NEMF: variants seen among roughly 807,000 people sequenced by gnomAD.
The protein encoded by NEMF is nuclear export mediator factor.
Under a neutral mutation model 162.2 loss-of-function variants are expected in NEMF, and 89 were observed. The ratio of observed to expected loss-of-function variants is 0.55; its 90% CI spans 0.46 to 0.65. The LOEUF (loss-of-function observed/expected upper bound fraction) is 0.65, where lower values mean the gene tolerates loss of function less well. Among genes scored for constraint, NEMF ranks in the 30% least tolerant of loss-of-function variants. The pLI is 0.00. For missense variants in NEMF, 1,133 were observed against 1,261.9 expected (o/e 0.90, Z 1.55); for synonymous variants, 421 against 404.5 (o/e 1.04, Z -0.49).
chr14:49,785,390 A>C, intron 29 of NEMF, 70 bp from the exon 30 acceptor site: 1 of 973,914 alleles, frequency 1.0e-6, no homozygotes, highest in Non-Finnish European at 1.7e-6. Context: ...AAAACACTTG[A>C]ATTAGTATCT....
In NEMF at chr14:49,836,227, C is replaced by A. The variant is rs575644173; in HGVS notation, c.575-1778G>T. On this transcript the variant is annotated intron_variant, in intron 6 of 32. Coordinates refer to ENST00000298310, the MANE Select transcript of NEMF (RefSeq NM_004713.6). ...CCAGGAAATGGAGGTTGCAGTGAGC[C>A]GAGATCATGCCACTGCACTCCAGCC... 2.0e-5 allele frequency among the ~76,000 whole-genome samples: 3 copies of A among 152,138 alleles called. No individual in the cohort carries two copies. The East Asian group carries it at 5.8e-4, about 29-fold the overall frequency.
chr14:49,792,431 T>C (rs879728392), intron 26 of NEMF, among the ~76,000 whole-genome samples: 3 of 152,128 alleles, frequency 2.0e-5, no homozygotes, highest in Non-Finnish European at 4.4e-5. Flanking sequence ...AGGCAGGTCT[T>C]GAACTCCTGA....
At chr14:49,843,285 G>A (rs976522500) in intron 4 of NEMF, among the ~76,000 whole-genome samples, 1 of 152,050 alleles carries the variant, frequency 6.6e-6, no homozygotes, top group Non-Finnish European at 1.5e-5. Context: ...GCTTGAGCCA[G>A]GGGTCCAAGG....
At chr14:49,838,345 T>C (rs1253310770) in intron 5 of NEMF, 139 bp from the exon 6 acceptor site, 21 of 649,194 alleles carry the variant, frequency 3.2e-5, no homozygotes, top group Non-Finnish European at 5.5e-5. Context: ...CATTCTTCTG[T>C]TGTGAGAAAA....
At chr14:49,838,305 T>C in intron 5 of NEMF, 99 bp from the exon 6 acceptor site, 1 of 880,092 alleles carries the variant, frequency 1.1e-6, no homozygotes, top group East Asian at 2.5e-5. Context: ...TCACCTGATC[T>C]TTACAATAAT....
rs1313568882 is a variant in NEMF at position 49,789,236 on chromosome 14, G to C, written c.2805C>G (p.Val935=). The stretch of plus-strand genomic sequence containing the variant: ...GAGTTTCTTTCTTAATGTTGTCAGA[G>C]ACCCTCTGTCCACCTCTAGGTTTCT... ...QPQKPRGGQR[V]SDNIKKETPF... is the part of the protein sequence containing the mutation. Residue 935 remains valine, a synonymous_variant, in exon 28 of 33, where the codon GTC becomes GTG. Coordinates refer to ENST00000298310, the MANE Select transcript of NEMF (RefSeq NM_004713.6). 1.2e-6 allele frequency: 2 copies of C among 1,614,072 alleles called. No individual in the cohort carries two copies. Among genetic ancestry groups the C allele is most frequent in the South Asian group, 2.2e-5 (2 of 91,062 alleles).
chr14:49,829,307 T>G (rs1409282819), intron 12 of NEMF, 42 bp downstream of exon 12: 1 of 1,613,260 alleles, frequency 6.2e-7, no homozygotes, highest in African/African-American at 1.3e-5. Flanking sequence ...CCAGTTAAAG[T>G]TAACATTTTT....
intron 7 of NEMF, chr14:49,834,036 T>G: frequency 2.3e-6 from 1 of 440,480 alleles, no homozygotes; most frequent in Non-Finnish European, 4.4e-6. Flanking sequence ...TTGCAGAAAC[T>G]AAAACATTCA....
chr14:49,823,068 C>T (rs1473324525), intron 16 of NEMF, among the ~76,000 whole-genome samples: 2 of 151,626 alleles, frequency 1.3e-5, no homozygotes, highest in Admixed American at 6.6e-5. Context: ...TCCCTAGTAG[C>T]TGGGATTACA....
chr14:49,847,258 G>A (rs188245163), intron 3 of NEMF, among the ~76,000 whole-genome samples: 3 of 151,896 alleles, frequency 2.0e-5, no homozygotes, highest in Non-Finnish European at 4.4e-5. Context: ...CTGGAGTACA[G>A]TAGCACAATC....
At chr14:49,852,653 C>T (rs189317325) in intron 1 of NEMF, 42 bp downstream of exon 1, 2 of 1,608,294 alleles carry the variant, frequency 1.2e-6, no homozygotes, top group Admixed American at 1.7e-5. Context: ...GCCTCTGCCT[C>T]CTGCACTCCC....
intron 18 of NEMF, among the ~76,000 whole-genome samples, chr14:49,810,260 C>T (rs541478650): frequency 2.6e-5 from 4 of 151,388 alleles, no homozygotes; most frequent in South Asian, 2.1e-4. Flanking sequence ...CCCAGCTACT[C>T]GGGAGGCTGA....
intron 26 of NEMF, among the ~76,000 whole-genome samples, chr14:49,791,319 C>T (rs1054525944): frequency 6.0e-5 from 9 of 149,488 alleles, no homozygotes; most frequent in African/African-American, 2.2e-4. Context: ...AGGCTGGCAA[C>T]ACAGTGAGAA....
At chr14:49,850,697 TGTCA>T (rs1893729465) in intron 3 of NEMF, among the ~76,000 whole-genome samples, 1 of 151,136 alleles carries the variant, frequency 6.6e-6, no homozygotes, top group Non-Finnish European at 1.5e-5. Context: ...AACATATTAA[TGTCA>T]GTGAGTATTC....
chr14:49,788,432 C>T (rs1890281925), intron 28 of NEMF, among the ~76,000 whole-genome samples: 1 of 151,920 alleles, frequency 6.6e-6, no homozygotes, highest in Non-Finnish European at 1.5e-5. Flanking sequence ...GTACTTGGCT[C>T]TTAAATGGTG....
intron 18 of NEMF, among the ~76,000 whole-genome samples, chr14:49,809,399 G>A (rs1272897681): frequency 6.6e-6 from 1 of 152,184 alleles, no homozygotes; most frequent in East Asian, 1.9e-4. Flanking sequence ...ACTACTAAGT[G>A]AAGAAGCCAG....
rs3100887 is a variant in NEMF, at chr14:49,852,781, G to T, written c.-28C>A. ...CGAGGCCCGAGGGTCACTACCGCAA[G>T]TTCCTCTACTGCCCGGCCGGACTCG... On this transcript the variant is annotated 5_prime_UTR_variant, in exon 1 of 33. Coordinates refer to ENST00000298310, the MANE Select transcript of NEMF (RefSeq NM_004713.6). 1,604,688 of 1,614,008 alleles carry T rather than the reference G, an allele frequency of 0.99. 798,170 individuals are homozygous for T. The highest frequency in any genetic ancestry group is 1 in the East Asian group (44,866 of 44,866).
intron 16 of NEMF, among the ~76,000 whole-genome samples, chr14:49,824,179 A>T (rs1259656038): frequency 2.6e-5 from 4 of 151,880 alleles, no homozygotes; most frequent in African/African-American, 9.7e-5. Flanking sequence ...CAAAAAAAAT[A>T]AAATAAATAA....
At chr14:49,828,520 A>G in intron 14 of NEMF, 96 bp downstream of exon 14, 1 of 1,073,392 alleles carries the variant, frequency 9.3e-7, no homozygotes, top group East Asian at 2.5e-5. Flanking sequence ...AAAAGTATGC[A>G]TGTACAAGTG....
Sources: gnomAD v4.1 joint callset for allele counts (sites outside exome capture counted in the v4.1 genomes callset) on GRCh38, gnomAD v4.1.1 for gene constraint, MANE v1.5 for transcripts, NCBI Gene and HGNC (gene_info 2026-07-23, HGNC 2026-07-21) for gene names.